The following NWD2 variants were observed in gnomAD, a reference collection of about 807,000 sequenced individuals.
The protein encoded by NWD2 is NACHT and WD repeat domain containing 2.
NWD2 carries 37 observed loss-of-function variants against 132.7 expected under a neutral mutation model. The ratio of observed to expected loss-of-function variants is 0.28; its 90% CI spans 0.21 to 0.37. NWD2 has a LOEUF of 0.37. Among genes scored for constraint, NWD2 ranks in the 10% least tolerant of loss-of-function variants. NWD2 has a pLI of 1.00. For synonymous variants in NWD2, 705 were observed against 803.0 expected (o/e 0.88, Z 2.06); for missense variants, 1,592 against 2,122.4 (o/e 0.75, Z 4.91).
chr4:37,269,288 A>T (rs1577649812), intron 1 of NWD2, among the ~76,000 whole-genome samples: 1 of 151,894 alleles, frequency 6.6e-6, no homozygotes, highest in Non-Finnish European at 1.5e-5. Flanking sequence ...ATGCTGCTAA[A>T]TGGTTGGTTG....
At chr4:37,433,821 T>C in intron 4 of NWD2, 55 bp from the exon 5 acceptor site, 1 of 1,384,752 alleles carries the variant, frequency 7.2e-7, no homozygotes. Flanking sequence ...TGTTCTTAAA[T>C]ATTATTTTTC....
In NWD2 at chr4:37,444,711, G is replaced by T. The variant is rs1482733814; in HGVS notation, c.2723G>T (p.Gly908Val). 1.9e-6 allele frequency: 3 copies of T among 1,552,002 alleles called. No homozygotes were observed. The highest frequency in any genetic ancestry group is 2.6e-6 in the Non-Finnish European group (3 of 1,147,074). The change falls in exon 7 of 7, where the codon GGC (glycine) becomes GTC (valine). Residue 908 changes from glycine to valine, a missense_variant. This residue lies in a region of NWD2 where 1,071 missense variants were observed against 1,398.0 expected (regional missense o/e 0.77). Coordinates refer to ENST00000309447, the MANE Select transcript of NWD2 (RefSeq NM_001144990.2). This position sits in a 1 kb window ranked among gnomAD's most constrained non-coding sequence, Gnocchi z 4.8. Reference protein sequence around the residue: ...SIKNKVTAFPGSLSAELQQRL... With the variant: ...SIKNKVTAFPVSLSAELQQRL... The stretch of plus-strand genomic sequence containing the variant: ...AAAAACAAGGTCACTGCATTTCCCG[G>T]CTCCCTTTCAGCAGAGCTTCAGCAA...
intron 1 of NWD2, among the ~76,000 whole-genome samples, chr4:37,292,596 G>C (rs991090534): frequency 6.6e-6 from 1 of 151,838 alleles, no homozygotes; most frequent in Admixed American, 6.6e-5. Context: ...TCCTGCCCCA[G>C]GATCCCATTC....
chr4:37,315,246 T>G (rs1577665294), intron 1 of NWD2, among the ~76,000 whole-genome samples: 1 of 152,192 alleles, frequency 6.6e-6, no homozygotes, highest in Admixed American at 6.5e-5. Context: ...AAGAATTGCA[T>G]TCTGCTCTCT....
At chr4:37,401,759 G>T (rs922326180) in intron 3 of NWD2, among the ~76,000 whole-genome samples, 62 of 152,058 alleles carry the variant, frequency 4.1e-4, no homozygotes, top group African/African-American at 1.4e-3. Flanking sequence ...CACCTTTCTG[G>T]TTCTTTGAAC....
chr4:37,324,083 G>A (rs1278978698), intron 1 of NWD2, among the ~76,000 whole-genome samples: 1 of 152,074 alleles, frequency 6.6e-6, no homozygotes, highest in Non-Finnish European at 1.5e-5. Context: ...AAACCATCAA[G>A]TACTATGCTC....
intron 1 of NWD2, among the ~76,000 whole-genome samples, chr4:37,301,542 TA>T (rs1234370518): frequency 6.6e-6 from 1 of 152,080 alleles, no homozygotes; most frequent in Non-Finnish European, 1.5e-5. Context: ...GAATTCTGTA[TA>T]ATTTATTCAA....
At chr4:37,282,768 T>A (rs907381224) in intron 1 of NWD2, among the ~76,000 whole-genome samples, 2 of 152,204 alleles carry the variant, frequency 1.3e-5, no homozygotes, top group Non-Finnish European at 2.9e-5. Context: ...CTTGGAGAAT[T>A]TATTTAACCT....
intron 3 of NWD2, among the ~76,000 whole-genome samples, chr4:37,390,604 C>A (rs540283378): frequency 6.6e-6 from 1 of 152,226 alleles, no homozygotes; most frequent in African/African-American, 2.4e-5. Context: ...TGTTTAAAAC[C>A]TACTCAGGCG....
intron 1 of NWD2, among the ~76,000 whole-genome samples, chr4:37,322,928 T>C (rs894986961): frequency 6.6e-6 from 1 of 152,212 alleles, no homozygotes; most frequent in African/African-American, 2.4e-5. Context: ...TTTCATGCAT[T>C]TATTCCATCG....
chr4:37,246,328 G>A (rs898544041), intron 1 of NWD2, among the ~76,000 whole-genome samples: 17 of 152,162 alleles, frequency 1.1e-4, no homozygotes, highest in Non-Finnish European at 1.6e-4. Flanking sequence ...GAAAATTACC[G>A]TTTCGGAAAA....
chr4:37,399,757 T>C (rs1398625942), intron 3 of NWD2, among the ~76,000 whole-genome samples: 3 of 152,236 alleles, frequency 2.0e-5, no homozygotes, highest in African/African-American at 7.2e-5. Context: ...CTTGGGATTG[T>C]AATTTTATGC....
chr4:37,433,700 A>C (rs189088361), intron 4 of NWD2, among the ~76,000 whole-genome samples, 176 bp from the exon 5 acceptor site: 8 of 152,340 alleles, frequency 5.3e-5, no homozygotes, highest in African/African-American at 1.7e-4. Context: ...CACATGCAAC[A>C]CAGAAATAAT....
chr4:37,412,423 A>G (rs1007877931), intron 3 of NWD2, among the ~76,000 whole-genome samples: 1 of 152,226 alleles, frequency 6.6e-6, no homozygotes, highest in African/African-American at 2.4e-5. Context: ...ACAACTTACA[A>G]GGGATGTGAA....
chr4:37,269,073 A>C (rs1332649635), intron 1 of NWD2, among the ~76,000 whole-genome samples: 1 of 151,938 alleles, frequency 6.6e-6, no homozygotes, highest in Non-Finnish European at 1.5e-5. Context: ...TCTCTTTGTC[A>C]TTATGAGATT....
intron 1 of NWD2, among the ~76,000 whole-genome samples, chr4:37,271,479 A>G (rs1246664202): frequency 6.6e-6 from 1 of 151,854 alleles, no homozygotes; most frequent in African/African-American, 2.4e-5. Context: ...AAGTGGAATT[A>G]TCTTGTATCA....
At chr4:37,312,824 G>A (rs886313418) in intron 1 of NWD2, among the ~76,000 whole-genome samples, 1 of 151,178 alleles carries the variant, frequency 6.6e-6, no homozygotes, top group African/African-American at 2.5e-5. Context: ...AACTTATTGA[G>A]AGTTTTTAGC....
chr4:37,340,481 CAG>C (rs1719495632), intron 2 of NWD2, among the ~76,000 whole-genome samples: 3 of 152,192 alleles, frequency 2.0e-5, no homozygotes, highest in African/African-American at 7.2e-5. Flanking sequence ...ATATTGAAAA[CAG>C]AGTACCTGCC....
intron 3 of NWD2, among the ~76,000 whole-genome samples, chr4:37,379,815 T>C (rs1720417161): frequency 6.6e-6 from 1 of 152,196 alleles, no homozygotes; most frequent in African/African-American, 2.4e-5. Context: ...TGGACTTCTC[T>C]CCTACCTGTA....
Sources: allele counts gnomAD v4.1 joint callset (sites outside exome capture counted in the v4.1 genomes callset), GRCh38; gene constraint gnomAD v4.1.1; regional missense constraint gnomAD v4.1.1; non-coding constraint Gnocchi (gnomAD v3.1); transcripts MANE v1.5; gene names NCBI Gene and HGNC (gene_info 2026-07-23, HGNC 2026-07-21).